The following ST6GALNAC3 variants were observed in gnomAD, a reference collection of about 807,000 sequenced individuals.
ST6GALNAC3 encodes alpha-N-acetylgalactosaminide alpha-2,6-sialyltransferase 3.
In ST6GALNAC3, 25 loss-of-function variants were observed where a neutral mutation model predicts 32.7. The observed-to-expected ratio is 0.76, with a 90% CI of 0.56 to 1.07. The LOEUF (loss-of-function observed/expected upper bound fraction) is 1.07, where lower values mean the gene tolerates loss of function less well. Among genes scored for constraint, ST6GALNAC3 ranks in the 50% least tolerant of loss-of-function variants. The pLI, the probability that ST6GALNAC3 is intolerant of heterozygous loss-of-function variation, is 0.00. For synonymous variants in ST6GALNAC3, 129 were observed against 133.1 expected (o/e 0.97, Z 0.21); for missense variants, 355 against 382.4 (o/e 0.93, Z 0.60).
intron 1 of ST6GALNAC3, among the ~76,000 whole-genome samples, chr1:76,193,260 C>T (rs1654005475): frequency 6.6e-6 from 1 of 152,136 alleles, no homozygotes; most frequent in African/African-American, 2.4e-5. Context: ...TTCCAGTCTA[C>T]ATTGGGGACC....
intron 1 of ST6GALNAC3, among the ~76,000 whole-genome samples, chr1:76,119,484 A>G (rs1314793042): frequency 6.6e-6 from 1 of 152,164 alleles, no homozygotes; most frequent in Non-Finnish European, 1.5e-5. Context: ...AACAGCATGC[A>G]GTGAGGATGG....
At chr1:76,552,128 T>G (rs1204426691) in intron 3 of ST6GALNAC3, among the ~76,000 whole-genome samples, 1 of 152,122 alleles carries the variant, frequency 6.6e-6, no homozygotes, top group Non-Finnish European at 1.5e-5. Context: ...AGTTAGGACT[T>G]GGGGTATGTG....
chr1:76,505,554 C>T (rs1661431148), intron 3 of ST6GALNAC3, among the ~76,000 whole-genome samples: 2 of 152,302 alleles, frequency 1.3e-5, no homozygotes, highest in African/African-American at 2.4e-5. Context: ...TAGCTCCAAG[C>T]AAAACCTAGA....
At chr1:76,467,644 T>C (rs764157760) in intron 3 of ST6GALNAC3, among the ~76,000 whole-genome samples, 12 of 152,122 alleles carry the variant, frequency 7.9e-5, no homozygotes, top group Admixed American at 3.9e-4. Context: ...TGTAAACTTA[T>C]CAATAGTGGT....
At chr1:76,481,906 G>C (rs147316470) in intron 3 of ST6GALNAC3, among the ~76,000 whole-genome samples, 1 of 151,992 alleles carries the variant, frequency 6.6e-6, no homozygotes, top group African/African-American at 2.4e-5. Context: ...CCCTAGTCTC[G>C]ACAACTAATC....
intron 1 of ST6GALNAC3, among the ~76,000 whole-genome samples, chr1:76,193,234 T>C (rs1654003419): frequency 6.6e-6 from 1 of 152,098 alleles, no homozygotes; most frequent in African/African-American, 2.4e-5. Flanking sequence ...CCTTCCTTCA[T>C]GTGTAGCCAC....
In ST6GALNAC3 at chr1:76,382,923, G is replaced by T. The variant is rs139261193; in HGVS notation, c.214-29085G>T. ...CTTCAAAAGGCTTCATGGACCCTAA[G>T]CAGCATAACTACAAATAAAAACTTA... On this transcript the variant is annotated intron_variant, in intron 2 of 4. Transcript: ENST00000328299. 5.9e-5 allele frequency among the ~76,000 whole-genome samples: 9 copies of T among 152,202 alleles called. No individual in the cohort carries two copies. In the East Asian group the frequency reaches 1.7e-3, roughly 29 times the overall value.
chr1:76,482,494 G>C (rs1397260160), intron 3 of ST6GALNAC3, among the ~76,000 whole-genome samples: 4 of 152,168 alleles, frequency 2.6e-5, no homozygotes, highest in Non-Finnish European at 5.9e-5. Flanking sequence ...ACTTTACCCA[G>C]GGCTCCCTGT....
chr1:76,104,108 A>G (rs955809713), intron 1 of ST6GALNAC3, among the ~76,000 whole-genome samples: 7 of 152,112 alleles, frequency 4.6e-5, no homozygotes, highest in Admixed American at 3.3e-4. Context: ...TAATTCTAGT[A>G]TCTGGAGGCT....
intron 1 of ST6GALNAC3, among the ~76,000 whole-genome samples, chr1:76,114,697 T>TC: frequency 6.6e-6 from 1 of 152,008 alleles, no homozygotes; most frequent in East Asian, 1.9e-4. Flanking sequence ...TCATTTGAGG[T>TC]CAGGAGTTCG....
At position 76,509,817 on chromosome 1, in the gene ST6GALNAC3, A is replaced by G. The variant is rs1661727844; in HGVS notation, c.623+97400A>G. On this transcript the variant is annotated intron_variant, in intron 3 of 4. Coordinates refer to ENST00000328299, the MANE Select transcript of ST6GALNAC3 (RefSeq NM_152996.4). This position sits in a 1 kb window ranked among gnomAD's most constrained non-coding sequence, Gnocchi z 5.5. The stretch of plus-strand genomic sequence containing the variant: ...CTTTTCCTCACATTGCTGTTTCTCT[A>G]TTTCTCTTTTAAGGACCCCCATGGT... Among the ~76,000 whole-genome samples the G allele has an allele frequency of 1.3e-5, 2 of 151,966 alleles. No homozygotes were observed. Among genetic ancestry groups the G allele is most frequent in the South Asian group, 4.2e-4 (2 of 4,816 alleles).
At chr1:76,268,606 C>G (rs1277302194) in intron 1 of ST6GALNAC3, among the ~76,000 whole-genome samples, 1 of 152,210 alleles carries the variant, frequency 6.6e-6, no homozygotes, top group Non-Finnish European at 1.5e-5. Context: ...ATGCACTGAA[C>G]TCCAAGAGGC....
chr1:76,315,019 T>G (rs1282615554), intron 2 of ST6GALNAC3, among the ~76,000 whole-genome samples: 4 of 152,132 alleles, frequency 2.6e-5, no homozygotes, highest in Non-Finnish European at 4.4e-5. Flanking sequence ...TCTGGTTAAT[T>G]TGATTCTTCG....
At chr1:76,607,080 T>A (rs1244652790) in intron 3 of ST6GALNAC3, among the ~76,000 whole-genome samples, 1 of 152,148 alleles carries the variant, frequency 6.6e-6, no homozygotes, top group Non-Finnish European at 1.5e-5. Context: ...TACTTCCTCC[T>A]TGGGTTGGAT....
chr1:76,453,812 T>A (rs1227443516), intron 3 of ST6GALNAC3, among the ~76,000 whole-genome samples: 1 of 152,148 alleles, frequency 6.6e-6, no homozygotes, highest in African/African-American at 2.4e-5. Flanking sequence ...TAGGGTGTAG[T>A]TTAAATCCAT....
intron 3 of ST6GALNAC3, among the ~76,000 whole-genome samples, chr1:76,471,720 A>T (rs1439135509): frequency 6.6e-6 from 1 of 152,156 alleles, no homozygotes; most frequent in Non-Finnish European, 1.5e-5. Flanking sequence ...AAATATCCAG[A>T]TATCTAAGAA....
chr1:76,244,795 A>C (rs1165764450), intron 1 of ST6GALNAC3, among the ~76,000 whole-genome samples: 1 of 151,974 alleles, frequency 6.6e-6, no homozygotes, highest in Admixed American at 6.5e-5. Context: ...GATGAAGCTG[A>C]CTTGATCACG....
intron 3 of ST6GALNAC3, among the ~76,000 whole-genome samples, chr1:76,461,507 C>T (rs1281980084): frequency 3.3e-5 from 5 of 152,290 alleles, no homozygotes; most frequent in Admixed American, 1.3e-4. Flanking sequence ...AATGGTGCTT[C>T]GTGCTGGAGC....
At chr1:76,188,301 G>T (rs1373158299) in intron 1 of ST6GALNAC3, among the ~76,000 whole-genome samples, 1 of 152,178 alleles carries the variant, frequency 6.6e-6, no homozygotes, top group Non-Finnish European at 1.5e-5. Flanking sequence ...GGCGGAGGTT[G>T]CAGTGAGCTG....
Sources: gnomAD v4.1 joint callset for allele counts (sites outside exome capture counted in the v4.1 genomes callset) on GRCh38, gnomAD v4.1.1 for gene constraint, Gnocchi (gnomAD v3.1) non-coding constraint, MANE v1.5 for transcripts, NCBI Gene and HGNC (gene_info 2026-07-23, HGNC 2026-07-21) for gene names.